Variants in RALGAPA2 observed in about 807,000 individuals in gnomAD.
The protein encoded by RALGAPA2 is Ral GTPase activating protein catalytic subunit alpha 2, also known as ral GTPase-activating protein subunit alpha-2.
Under a neutral mutation model 230.4 loss-of-function variants are expected in RALGAPA2, and 139 were observed. The observed-to-expected ratio is 0.60, with a 90% CI of 0.53 to 0.69. RALGAPA2 has a LOEUF of 0.69. Among genes scored for constraint, RALGAPA2 ranks in the 30% least tolerant of loss-of-function variants. The pLI, the probability that RALGAPA2 is intolerant of heterozygous loss-of-function variation, is 0.00. For missense variants in RALGAPA2, 2,163 were observed against 2,276.0 expected, an observed-to-expected ratio of 0.95 and a Z score of 1.01; for synonymous variants, 847 against 837.8, an observed-to-expected ratio of 1.01 and a Z score of -0.19.
chr20:20,709,739 C>G (rs2069772072), intron 1 of RALGAPA2, among the ~76,000 whole-genome samples: 2 of 152,166 alleles, frequency 1.3e-5, no homozygotes, highest in Non-Finnish European at 1.5e-5. Flanking sequence ...AAAGTATCTA[C>G]ATCCAAATTG....
chr20:20,600,155 G>C (rs763406805), intron 16 of RALGAPA2, among the ~76,000 whole-genome samples: 22 of 151,702 alleles, frequency 1.5e-4, no homozygotes, highest in Non-Finnish European at 2.6e-4. Context: ...AATTAGCCTG[G>C]CATAGTGGTG....
chr20:20,538,632 C>T (rs2063559559), intron 24 of RALGAPA2, among the ~76,000 whole-genome samples: 1 of 152,202 alleles, frequency 6.6e-6, no homozygotes, highest in African/African-American at 2.4e-5. Context: ...TTTCTTCCTT[C>T]CCTTTCCCCC....
At chr20:20,651,805 G>T (rs946998404) in intron 4 of RALGAPA2, among the ~76,000 whole-genome samples, 7 of 152,176 alleles carry the variant, frequency 4.6e-5, no homozygotes, top group African/African-American at 1.7e-4. Flanking sequence ...CAAAATTGAA[G>T]AAGGATTATA....
chr20:20,589,163 G>A (rs1250510740), intron 18 of RALGAPA2, 105 bp downstream of exon 18: 1 of 1,422,580 alleles, frequency 7.0e-7, no homozygotes. Context: ...CTGTCTAAAT[G>A]GAAAAAAATA....
Position 20,601,848 on chromosome 20 carries a change from T to C in RALGAPA2, c.2039-2A>G. 1.9e-6 allele frequency: 3 copies of C among 1,578,864 alleles called. No individual in the cohort carries two copies. The highest frequency in any genetic ancestry group is 2.6e-6 in the Non-Finnish European group (3 of 1,165,220). On this transcript the variant is annotated splice_acceptor_variant, in intron 15 of 39. Coordinates refer to ENST00000202677, the MANE Select transcript of RALGAPA2 (RefSeq NM_020343.4). LOFTEE classifies it high-confidence loss of function. ...CTTTCTGAGGATCTAGAACACAGCC[T>C]GATAAAGGAAAAGAAAAATAATCTA...
chr20:20,698,052 T>A (rs989834929), intron 1 of RALGAPA2, among the ~76,000 whole-genome samples: 1 of 151,810 alleles, frequency 6.6e-6, no homozygotes, highest in Non-Finnish European at 1.5e-5. Context: ...ACTACCCTCC[T>A]GGTGGAGCAG....
intron 34 of RALGAPA2, among the ~76,000 whole-genome samples, chr20:20,504,719 T>C (rs1346510779): frequency 6.6e-6 from 1 of 151,826 alleles, no homozygotes; most frequent in Non-Finnish European, 1.5e-5. Flanking sequence ...AGCAAGACTC[T>C]GTCTAAGAAA....
chr20:20,700,734 A>G (rs1227498760), intron 1 of RALGAPA2, among the ~76,000 whole-genome samples: 1 of 152,198 alleles, frequency 6.6e-6, no homozygotes, highest in Non-Finnish European at 1.5e-5. Context: ...GTCCTTTCTT[A>G]TATCTATTCC....
At position 20,392,179 on chromosome 20, in the gene RALGAPA2, T is replaced by C. The variant is rs2122574301; in HGVS notation, c.*1110A>G. On this transcript the variant is annotated 3_prime_UTR_variant, in exon 40 of 40. Coordinates refer to ENST00000202677, the MANE Select transcript of RALGAPA2 (RefSeq NM_020343.4). ...TCTTTTCATTCATTCATTCATTTTG[T>C]TTTTAAGAAAAAAAAACAACAACAA... 6.6e-6 allele frequency: 1 copy of C among 151,382 alleles called. No individual in the cohort carries two copies. Among genetic ancestry groups the C allele is most frequent in the South Asian group, 2.1e-4 (1 of 4,832 alleles). The allele number at this position is 151,382 out of a possible 1,614,324, so 9.4% of individuals were successfully genotyped here.
At chr20:20,630,699 G>A (rs577083808) in intron 9 of RALGAPA2, among the ~76,000 whole-genome samples, 11 of 152,280 alleles carry the variant, frequency 7.2e-5, no homozygotes, top group African/African-American at 1.9e-4. Flanking sequence ...ACTCAAGGAT[G>A]AGTATGGTAC....
rs1193606948 is a variant in RALGAPA2, at chr20:20,524,424, C to T, written c.3882G>A (p.Leu1294=). ...GACTCACCCTGTAGATATAATCCAG[C>T]AAGGGGGCTCTGGCCGAATGCTGCT... ...LEEQHSARAP[L]LDYIYRVLHC... Residue 1294 remains leucine (L), a synonymous_variant, in exon 30 of 40, where the codon TTG becomes TTA. Transcript: ENST00000202677. 1 of 1,613,694 alleles carries T rather than the reference C, an allele frequency of 6.2e-7. No homozygotes were observed. Among genetic ancestry groups the T allele is most frequent in the South Asian group, 1.1e-5 (1 of 91,060 alleles).
chr20:20,677,810 A>AT lies in RALGAPA2; in HGVS notation c.218-1523dup, dbSNP rs1030449024. 1.3e-3 allele frequency among the ~76,000 whole-genome samples: 197 copies of AT among 149,812 alleles called. 3 individuals are homozygous for AT. The highest frequency in any genetic ancestry group is 4.4e-3 in the African/African-American group (181 of 40,790). ...AGGCGCCTGCCACCACACCCGGCTA[A>AT]TTTTTTTTTGTATTTTTAGTAGAGA... is the stretch of plus-strand genomic sequence containing the variant. On this transcript the variant is annotated intron_variant, in intron 2 of 39. Transcript: ENST00000202677.
intron 33 of RALGAPA2, among the ~76,000 whole-genome samples, chr20:20,506,435 T>C (rs2062537384): frequency 6.6e-6 from 1 of 152,174 alleles, no homozygotes; most frequent in Non-Finnish European, 1.5e-5. Flanking sequence ...ACAAAATACC[T>C]GGGCCTAGAC....
chr20:20,537,619 CAAAAAAAA>C (rs373034061), intron 24 of RALGAPA2, among the ~76,000 whole-genome samples: 1 of 41,090 alleles, frequency 2.4e-5, no homozygotes, highest in Non-Finnish European at 6.2e-5. Flanking sequence ...GACTCCATCT[CAAAAAAAA>C]AAAAAAAAAA....
chr20:20,461,441 C>G (rs968704244), intron 37 of RALGAPA2, among the ~76,000 whole-genome samples: 1 of 152,058 alleles, frequency 6.6e-6, no homozygotes. Flanking sequence ...ACAGCTAAGC[C>G]GAACTCTCAG....
At chr20:20,692,150 T>C (rs754097278) in intron 1 of RALGAPA2, among the ~76,000 whole-genome samples, 1 of 152,180 alleles carries the variant, frequency 6.6e-6, no homozygotes, top group Non-Finnish European at 1.5e-5. Flanking sequence ...CTTTATAAAT[T>C]ACCCATTATT....
intron 23 of RALGAPA2, among the ~76,000 whole-genome samples, chr20:20,558,020 T>G (rs2064139131): frequency 6.6e-6 from 1 of 152,216 alleles, no homozygotes; most frequent in Admixed American, 6.5e-5. Flanking sequence ...TTATTTTTTT[T>G]TGAGACTAAG....
chr20:20,440,616 C>T (rs1341470091), intron 37 of RALGAPA2, among the ~76,000 whole-genome samples: 3 of 152,170 alleles, frequency 2.0e-5, no homozygotes, highest in East Asian at 1.9e-4. Context: ...GAAGAAAGCC[C>T]GCGCTCTGGT....
At chr20:20,637,797 G>A (rs913889498) in intron 7 of RALGAPA2, among the ~76,000 whole-genome samples, 10 of 152,028 alleles carry the variant, frequency 6.6e-5, no homozygotes, top group South Asian at 2.1e-4. Flanking sequence ...TTTTCTCTAC[G>A]TTTTTTGTAA....
Sources: allele counts gnomAD v4.1 joint callset (sites outside exome capture counted in the v4.1 genomes callset), GRCh38; gene constraint gnomAD v4.1.1; transcripts MANE v1.5; gene names NCBI Gene and HGNC (gene_info 2026-07-23, HGNC 2026-07-21).